The following CEP170 variants were observed in gnomAD, a reference collection of about 807,000 sequenced individuals.
The protein encoded by CEP170 is centrosomal protein of 170 kDa.
Under a neutral mutation model 151.9 loss-of-function variants are expected in CEP170, and 21 were observed. The ratio of observed to expected loss-of-function variants is 0.14; its 90% CI spans 0.10 to 0.20. The LOEUF is 0.20. Ranked by LOEUF, CEP170 falls within the 10% of genes least tolerant of loss-of-function variation. The pLI, the probability that CEP170 is intolerant of heterozygous loss-of-function variation, is 1.00. For synonymous variants in CEP170, 356 were observed against 648.8 expected (o/e 0.55, Z 6.86); for missense variants, 964 against 1,892.9 (o/e 0.51, Z 9.11).
intron 7 of CEP170, among the ~76,000 whole-genome samples, chr1:243,194,604 A>G (rs2060519408): frequency 6.6e-6 from 1 of 151,980 alleles, no homozygotes; most frequent in Non-Finnish European, 1.5e-5. Context: ...TGATAAAAAC[A>G]GATGAAGTGT....
intron 11 of CEP170, among the ~76,000 whole-genome samples, chr1:243,170,572 T>C (rs1389202788): frequency 6.6e-6 from 1 of 151,680 alleles, no homozygotes; most frequent in Non-Finnish European, 1.5e-5. Flanking sequence ...GGCGGGTGGA[T>C]CACCTGAGGT....
chr1:243,179,694 GA>G (rs888039055), intron 10 of CEP170, among the ~76,000 whole-genome samples: 67 of 152,256 alleles, frequency 4.4e-4, no homozygotes, highest in African/African-American at 1.6e-3. Flanking sequence ...GCTAACAAAT[GA>G]AAAAGCAGGT....
chr1:243,155,874 A>G (rs1453453310), intron 14 of CEP170, among the ~76,000 whole-genome samples: 1 of 152,174 alleles, frequency 6.6e-6, no homozygotes, highest in Non-Finnish European at 1.5e-5. Context: ...AAAGGAAAGT[A>G]ATCCATAAAT....
chr1:243,209,742 C>T (rs1428595303), intron 4 of CEP170, among the ~76,000 whole-genome samples: 6 of 151,562 alleles, frequency 4.0e-5, no homozygotes, highest in African/African-American at 7.3e-5. Flanking sequence ...TACAGTGGCA[C>T]GATCTCGGCT....
chr1:243,252,403 C>G (rs2066020300), intron 1 of CEP170, among the ~76,000 whole-genome samples: 1 of 151,760 alleles, frequency 6.6e-6, no homozygotes, highest in African/African-American at 2.4e-5. Context: ...AACATTTTGA[C>G]AAAAAAGCTT....
rs141467986 is a variant in CEP170 at position 243,135,538 on chromosome 1, G to A, written c.4319+605C>T. Among the ~76,000 whole-genome samples, 1,176 of 152,194 alleles carry A rather than the reference G, an allele frequency of 7.7e-3. 13 individuals are homozygous for A. The highest frequency in any genetic ancestry group is 0.027 in the African/African-American group (1,103 of 41,548). ...AGAAATTTTTAAGATACAGGCTCAA[G>A]ATAAAAAGAAAGCTCTTTCTGTTTC... is the stretch of plus-strand genomic sequence containing the variant. On this transcript the variant is annotated intron_variant, in intron 17 of 19. Transcript: ENST00000366542.
intron 8 of CEP170, among the ~76,000 whole-genome samples, chr1:243,187,827 C>T (rs1415449388): frequency 3.9e-5 from 6 of 151,986 alleles, no homozygotes; most frequent in Non-Finnish European, 8.8e-5. Flanking sequence ...CTGCGGAATG[C>T]ACAGAAAAGG....
intron 4 of CEP170, among the ~76,000 whole-genome samples, chr1:243,207,902 T>C (rs1356037141): frequency 1.3e-5 from 2 of 151,788 alleles, no homozygotes; most frequent in East Asian, 3.9e-4. Flanking sequence ...AGCTCCTACC[T>C]AGAAAAAAGT....
chr1:243,152,521 A>ATAT (rs2057196030), intron 14 of CEP170, among the ~76,000 whole-genome samples: 9 of 54,954 alleles, frequency 1.6e-4, no homozygotes, highest in African/African-American at 6.0e-4. Context: ...GCGCCCAGCC[A>ATAT]TTTTTTTTTT....
chr1:243,221,181 C>G (rs1163217908), intron 3 of CEP170, among the ~76,000 whole-genome samples: 1 of 152,152 alleles, frequency 6.6e-6, no homozygotes, highest in African/African-American at 2.4e-5. Context: ...CCCGCCACCA[C>G]ACCCGGCTAA....
chr1:243,238,215 C>T (rs958857714), intron 1 of CEP170, among the ~76,000 whole-genome samples: 5 of 151,964 alleles, frequency 3.3e-5, no homozygotes, highest in Admixed American at 6.6e-5. Flanking sequence ...ACTGGGAGGC[C>T]GAGGTGGGAC....
chr1:243,134,380 A>T (rs1034927150), intron 17 of CEP170, among the ~76,000 whole-genome samples: 4 of 152,216 alleles, frequency 2.6e-5, no homozygotes, highest in African/African-American at 4.8e-5. Flanking sequence ...GGGAATTGAT[A>T]AAGGTAAATT....
At chr1:243,226,686 G>C (rs2063325990) in intron 1 of CEP170, among the ~76,000 whole-genome samples, 1 of 152,154 alleles carries the variant, frequency 6.6e-6, no homozygotes, top group African/African-American at 2.4e-5. Context: ...TTCACACAAT[G>C]TTATAGGAAA....
At chr1:243,134,126 G>C (rs1286027346) in intron 17 of CEP170, among the ~76,000 whole-genome samples, 1 of 152,144 alleles carries the variant, frequency 6.6e-6, no homozygotes, top group Non-Finnish European at 1.5e-5. Flanking sequence ...GTAAAATACA[G>C]GTAATATTCA....
At chr1:243,239,475 G>A (rs2064601306) in intron 1 of CEP170, among the ~76,000 whole-genome samples, 1 of 152,140 alleles carries the variant, frequency 6.6e-6, no homozygotes. Context: ...ATTTATAAAA[G>A]TAAATGTAAT....
chr1:243,252,798 A>G (rs1450394516), intron 1 of CEP170, among the ~76,000 whole-genome samples: 1 of 152,190 alleles, frequency 6.6e-6, no homozygotes, highest in Non-Finnish European at 1.5e-5. Flanking sequence ...AAATCCTTTA[A>G]AGAAGTCTAT....
intron 1 of CEP170, among the ~76,000 whole-genome samples, chr1:243,245,675 C>T (rs1298105285): frequency 6.6e-6 from 1 of 151,692 alleles, no homozygotes; most frequent in Non-Finnish European, 1.5e-5. Context: ...GATCTCGCCA[C>T]TTCAATCCAG....
chr1:243,250,271 G>C (rs2065818701), intron 1 of CEP170, among the ~76,000 whole-genome samples: 1 of 152,152 alleles, frequency 6.6e-6, no homozygotes, highest in Admixed American at 6.5e-5. Context: ...ATAAGAGTTT[G>C]GCTTGTTGAA....
intron 1 of CEP170, among the ~76,000 whole-genome samples, chr1:243,244,260 T>G (rs2065140147): frequency 6.6e-6 from 1 of 152,100 alleles, no homozygotes; most frequent in Admixed American, 6.5e-5. Flanking sequence ...GTAGTCATTG[T>G]GAAATTCAAC....
Sources: allele counts gnomAD v4.1 joint callset (sites outside exome capture counted in the v4.1 genomes callset), GRCh38; gene constraint gnomAD v4.1.1; transcripts MANE v1.5; gene names NCBI Gene and HGNC (gene_info 2026-07-23, HGNC 2026-07-21).